The following ESRRG variants were observed in gnomAD, a reference collection of about 807,000 sequenced individuals.
ESRRG encodes estrogen related receptor gamma, also known as estrogen-related receptor gamma.
A neutral mutation model predicts 44.0 loss-of-function variants in ESRRG; 13 were observed. The observed-to-expected ratio is 0.30, with a 90% CI of 0.19 to 0.47. The LOEUF is 0.47. ESRRG is among the 20% of genes least tolerant of loss of function. ESRRG has a pLI of 1.00. For missense variants in ESRRG, 395 were observed against 580.6 expected (o/e 0.68, Z 3.29); for synonymous variants, 215 against 214.6 (o/e 1.00, Z -0.02).
chr1:217,036,146 A>G (rs546260239), intron 1 of ESRRG, among the ~76,000 whole-genome samples: 1 of 152,322 alleles, frequency 6.6e-6, no homozygotes, highest in African/African-American at 2.4e-5. Flanking sequence ...GGTATTATTA[A>G]AAAGTCAAAA....
At position 217,012,551 on chromosome 1, in the gene ESRRG, G is replaced by T. The variant is rs2078782380; in HGVS notation, c.-105-72878C>A. On this transcript the variant is annotated intron_variant, in intron 1 of 7. Coordinates refer to the ESRRG transcript ENST00000359162. The stretch of plus-strand genomic sequence containing the variant: ...TAGCAAGAAAATGACACTGACACTG[G>T]CAATTTAGAAAAGGCAAACTCAGAG... Among the ~76,000 whole-genome samples the T allele has an allele frequency of 3.3e-5, 5 of 152,254 alleles. No homozygotes were observed. The South Asian group carries it at 1.0e-3, about 32-fold the overall frequency.
intron 2 of ESRRG, among the ~76,000 whole-genome samples, chr1:216,729,299 GC>G (rs915192116): frequency 6.6e-6 from 1 of 152,138 alleles, no homozygotes; most frequent in Non-Finnish European, 1.5e-5. Flanking sequence ...CCTCAATAGT[GC>G]CCCCGTTTGG....
At chr1:216,963,840 G>A (rs541388956) in intron 1 of ESRRG, among the ~76,000 whole-genome samples, 1 of 152,128 alleles carries the variant, frequency 6.6e-6, no homozygotes, top group East Asian at 1.9e-4. Flanking sequence ...GGTCTAGTGG[G>A]AGAGTCAGCC....
chr1:216,747,022 A>T (rs2813700), intron 2 of ESRRG, among the ~76,000 whole-genome samples: 40,179 of 152,068 alleles, frequency 0.26, 6,689 homozygotes, highest in East Asian at 0.41. Flanking sequence ...AGAACTCATA[A>T]AACAGGCTTC....
At chr1:216,940,579 G>C (rs972636197) in intron 1 of ESRRG, among the ~76,000 whole-genome samples, 1 of 152,130 alleles carries the variant, frequency 6.6e-6, no homozygotes, top group Non-Finnish European at 1.5e-5. Flanking sequence ...AAGATGTGGA[G>C]AAAATAATTA....
intron 2 of ESRRG, among the ~76,000 whole-genome samples, chr1:216,846,137 T>A (rs887539000): frequency 1.3e-5 from 2 of 152,208 alleles, no homozygotes; most frequent in African/African-American, 4.8e-5. Flanking sequence ...AGTTTGTTTC[T>A]TTTTGGTCTC....
chr1:216,836,677 A>G (rs569443494), intron 2 of ESRRG, among the ~76,000 whole-genome samples: 1 of 151,926 alleles, frequency 6.6e-6, no homozygotes, highest in South Asian at 2.1e-4. Context: ...GCAATCATCA[A>G]TATCAGCATC....
intron 3 of ESRRG, among the ~76,000 whole-genome samples, chr1:216,649,212 T>C (rs2068349774): frequency 6.6e-6 from 1 of 152,176 alleles, no homozygotes; most frequent in Non-Finnish European, 1.5e-5. Flanking sequence ...TGTTCACTGT[T>C]GTATCACTGG....
At chr1:216,726,525 A>G (rs1252245557), upstream of ESRRG, among the ~76,000 whole-genome samples, 1 of 152,126 alleles carries the variant, frequency 6.6e-6, no homozygotes, top group African/African-American at 2.4e-5. Context: ...AATTACAAAA[A>G]AAATCTGGAA....
chr1:216,684,268 T>C (rs903372874), intron 1 of ESRRG, among the ~76,000 whole-genome samples: 5 of 152,232 alleles, frequency 3.3e-5, no homozygotes, highest in African/African-American at 1.2e-4. Flanking sequence ...TCCTGGTTGA[T>C]AAACTTTATT....
chr1:216,615,696 T>C (rs920710170), intron 3 of ESRRG, among the ~76,000 whole-genome samples: 2 of 151,808 alleles, frequency 1.3e-5, no homozygotes, highest in South Asian at 2.1e-4. Flanking sequence ...AAAGAAGAAA[T>C]ACTGTCCATA....
intron 2 of ESRRG, among the ~76,000 whole-genome samples, chr1:216,833,695 T>C (rs141072194): frequency 1.5e-4 from 23 of 152,310 alleles, no homozygotes; most frequent in South Asian, 4.1e-4. Flanking sequence ...TTAATCCAAT[T>C]ACCACATTTC....
intron 3 of ESRRG, among the ~76,000 whole-genome samples, chr1:216,634,181 G>A (rs936196440): frequency 6.6e-6 from 1 of 152,114 alleles, no homozygotes; most frequent in African/African-American, 2.4e-5. Flanking sequence ...TCAGTGACAG[G>A]GATAAGCTTC....
intron 1 of ESRRG, among the ~76,000 whole-genome samples, chr1:217,123,889 G>A (rs10863299): frequency 0.04 from 6,035 of 152,040 alleles, 166 homozygotes; most frequent in African/African-American, 0.07. Flanking sequence ...TGCACATCTC[G>A]CACATGTACC....
intron 1 of ESRRG, among the ~76,000 whole-genome samples, chr1:217,023,892 A>C (rs1186825621): frequency 1.3e-5 from 2 of 152,226 alleles, no homozygotes; most frequent in South Asian, 4.1e-4. Context: ...GTCACCATGC[A>C]TGGCAATGCA....
chr1:216,912,163 A>G (rs188074120), intron 2 of ESRRG, among the ~76,000 whole-genome samples: 2,098 of 35,866 alleles, frequency 0.058, 131 homozygotes, highest in East Asian at 0.21. Flanking sequence ...AAGAAAAGAA[A>G]AGAAAAGAAA....
At chr1:216,870,553 T>C (rs1192749220) in intron 2 of ESRRG, among the ~76,000 whole-genome samples, 5 of 152,018 alleles carry the variant, frequency 3.3e-5, no homozygotes, top group African/African-American at 1.2e-4. Context: ...TCTTCACCTA[T>C]TTTCTGAAGG....
chr1:216,751,476 G>GT (rs898740198), intron 2 of ESRRG, among the ~76,000 whole-genome samples: 127 of 152,182 alleles, frequency 8.3e-4, no homozygotes, highest in African/African-American at 3.0e-3. Context: ...CTGACATTTG[G>GT]TGGGGGGTAT....
At position 216,652,271 on chromosome 1, in the gene ESRRG, TGGGACC is replaced by T. The variant is rs537041554; in HGVS notation, c.473-1188_473-1183del. Among the ~76,000 whole-genome samples, 171 of 152,322 alleles carry T rather than the reference TGGGACC, an allele frequency of 1.1e-3. 1 individual carries two copies. Among genetic ancestry groups the T allele is most frequent in the African/African-American group, 4.0e-3 (166 of 41,576 alleles). On this transcript the variant is annotated intron_variant, in intron 2 of 6. Coordinates refer to ENST00000408911, the MANE Select transcript of ESRRG (RefSeq NM_001438.4). ...TCTAGTAATTAGCATAGAGTCTGCC[TGGGACC>T]ACAGCATTGATGAAATATTTCAGAG... is the stretch of plus-strand genomic sequence containing the variant.
Sources: allele counts gnomAD v4.1 joint callset (sites outside exome capture counted in the v4.1 genomes callset), GRCh38; gene constraint gnomAD v4.1.1; transcripts MANE v1.5; gene names NCBI Gene and HGNC (gene_info 2026-07-23, HGNC 2026-07-21).